PRDM6: variants seen among roughly 807,000 people sequenced by gnomAD.
PRDM6 encodes the protein putative histone-lysine N-methyltransferase PRDM6.
Under a neutral mutation model 60.8 loss-of-function variants are expected in PRDM6, and 25 were observed. The ratio of observed to expected loss-of-function variants is 0.41; its 90% CI spans 0.30 to 0.57. The LOEUF is 0.57. Among genes scored for constraint, PRDM6 ranks in the 20% least tolerant of loss-of-function variants. The pLI is 0.27. For synonymous variants in PRDM6, 407 were observed against 357.4 expected (o/e 1.14, Z -1.57); for missense variants, 839 against 821.3 (o/e 1.02, Z -0.26).
chr5:123,091,479 G>T (rs1417687776), intron 2 of PRDM6, among the ~76,000 whole-genome samples: 1 of 152,100 alleles, frequency 6.6e-6, no homozygotes, highest in Non-Finnish European at 1.5e-5. Flanking sequence ...CTGTAGCTTC[G>T]GTTTCTATAT....
intron 3 of PRDM6, among the ~76,000 whole-genome samples, chr5:123,101,990 G>T (rs1014929922): frequency 3.9e-5 from 6 of 152,296 alleles, no homozygotes; most frequent in Middle Eastern, 3.4e-3. Context: ...GTGCTGGGAT[G>T]GTTCTTAGAG....
chr5:123,116,237 A>C (rs1764441435), intron 3 of PRDM6, among the ~76,000 whole-genome samples: 1 of 152,158 alleles, frequency 6.6e-6, no homozygotes, highest in South Asian at 2.1e-4. Flanking sequence ...CTGGAACTAA[A>C]CGCCTCCACA....
At chr5:123,171,201 C>A in intron 6 of PRDM6, 93 bp downstream of exon 6, 1 of 1,035,100 alleles carries the variant, frequency 9.7e-7, no homozygotes, top group Non-Finnish European at 1.4e-6. Flanking sequence ...ACAGGGGAAG[C>A]CCTGTGATTT....
chr5:123,143,323 C>T (rs1280199415), intron 3 of PRDM6, among the ~76,000 whole-genome samples: 1 of 152,076 alleles, frequency 6.6e-6, no homozygotes, highest in Non-Finnish European at 1.5e-5. Context: ...TCTATAGACC[C>T]GACGTAAGAG....
intron 5 of PRDM6, among the ~76,000 whole-genome samples, chr5:123,163,543 T>C (rs1336586035): frequency 1.3e-5 from 2 of 152,166 alleles, no homozygotes; most frequent in Admixed American, 6.5e-5. Context: ...ATTCCCATGT[T>C]ATTTTCTTTT....
At chr5:123,177,907 AG>A (rs1182396663) in intron 6 of PRDM6, among the ~76,000 whole-genome samples, 1 of 152,176 alleles carries the variant, frequency 6.6e-6, no homozygotes, top group East Asian at 1.9e-4. Context: ...CTCCCGTTCT[AG>A]CCCCTTCCAT....
intron 5 of PRDM6, among the ~76,000 whole-genome samples, chr5:123,167,732 T>A (rs1765788049): frequency 6.6e-6 from 1 of 152,114 alleles, no homozygotes; most frequent in Admixed American, 6.5e-5. Flanking sequence ...GCTCAGAATC[T>A]ATCATCTACA....
intron 3 of PRDM6, among the ~76,000 whole-genome samples, chr5:123,148,546 TGAA>T (rs1390348636): frequency 1.3e-5 from 2 of 151,774 alleles, no homozygotes; most frequent in Non-Finnish European, 2.9e-5. Flanking sequence ...CGGTGTTTAA[TGAA>T]GAAGCTTTAT....
chr5:123,144,049 TG>T (rs1765181683), intron 3 of PRDM6, among the ~76,000 whole-genome samples: 1 of 152,184 alleles, frequency 6.6e-6, no homozygotes, highest in Non-Finnish European at 1.5e-5. Flanking sequence ...GGTCTAAATT[TG>T]AGGCTCTTTA....
chr5:123,128,056 A>C (rs1393696599), intron 3 of PRDM6, among the ~76,000 whole-genome samples: 1 of 152,132 alleles, frequency 6.6e-6, no homozygotes. Flanking sequence ...GCTGAGAATG[A>C]TGGTTCCCAG....
chr5:123,185,054 A>G (rs1167068023), intron 7 of PRDM6, among the ~76,000 whole-genome samples: 1 of 152,212 alleles, frequency 6.6e-6, no homozygotes, highest in African/African-American at 2.4e-5. Context: ...CCATTTGTGT[A>G]AATATCTGCA....
At chr5:123,171,825 T>C (rs1056506002) in intron 6 of PRDM6, among the ~76,000 whole-genome samples, 1 of 152,246 alleles carries the variant, frequency 6.6e-6, no homozygotes, top group Non-Finnish European at 1.5e-5. Context: ...GCACAGTAGA[T>C]ATAATGGAAC....
chr5:123,100,995 TGCCAGGG>T, intron 3 of PRDM6, among the ~76,000 whole-genome samples: 1 of 152,212 alleles, frequency 6.6e-6, no homozygotes, highest in Admixed American at 6.5e-5. Flanking sequence ...GTTTCTTAAA[TGCCAGGG>T]GTCAGGTTGA....
chr5:123,117,940 A>G (rs1764495204), intron 3 of PRDM6, among the ~76,000 whole-genome samples: 1 of 152,348 alleles, frequency 6.6e-6, no homozygotes, highest in Non-Finnish European at 1.5e-5. Flanking sequence ...AAGCTTCTCA[A>G]TGTGCCAGGC....
At chr5:123,089,566 TAGGAAGGTTGGTGGTC>T (rs1763753407) in intron 1 of PRDM6, 47 bp downstream of exon 1, 2 of 168,072 alleles carry the variant, frequency 1.2e-5, no homozygotes, top group South Asian at 3.3e-4. Context: ...GCTTGGTAGA[TAGGAAGGTTGGTGGTC>T]CTAGGTTGGG....
intron 3 of PRDM6, among the ~76,000 whole-genome samples, chr5:123,117,688 T>G (rs1223691547): frequency 2.6e-5 from 4 of 152,242 alleles, no homozygotes; most frequent in Non-Finnish European, 5.9e-5. Flanking sequence ...GCTAAAGTTC[T>G]GTTTAATCTT....
At chr5:123,178,145 G>A (rs926895503) in intron 6 of PRDM6, among the ~76,000 whole-genome samples, 2 of 151,786 alleles carry the variant, frequency 1.3e-5, no homozygotes, top group Non-Finnish European at 2.9e-5. Context: ...TAAAAAGGAT[G>A]GATTGACTTC....
chr5:123,128,213 G>T (rs1764738638), intron 3 of PRDM6, among the ~76,000 whole-genome samples: 1 of 152,170 alleles, frequency 6.6e-6, no homozygotes, highest in Non-Finnish European at 1.5e-5. Context: ...AATGTGAATA[G>T]TGCCACAGTA....
chr5:123,154,295 C>T (rs1384552033), intron 3 of PRDM6, among the ~76,000 whole-genome samples: 1 of 152,094 alleles, frequency 6.6e-6, no homozygotes, highest in Non-Finnish European at 1.5e-5. Flanking sequence ...TATCCAAAAC[C>T]TAGAAATTTA....
Sources: allele counts gnomAD v4.1 joint callset (sites outside exome capture counted in the v4.1 genomes callset), GRCh38; gene constraint gnomAD v4.1.1; transcripts MANE v1.5; gene names NCBI Gene and HGNC (gene_info 2026-07-23, HGNC 2026-07-21).